The following ATP6V0D1 variants were observed in gnomAD, a reference collection of about 807,000 sequenced individuals.
The protein encoded by ATP6V0D1 is ATPase H+ transporting V0 subunit d1, also known as V-type proton ATPase subunit d 1.
In ATP6V0D1, 13 loss-of-function variants were observed where a neutral mutation model predicts 39.0. The ratio of observed to expected loss-of-function variants is 0.33; its 90% confidence interval spans 0.22 to 0.53. The LOEUF (loss-of-function observed/expected upper bound fraction) is 0.53, where lower values mean the gene tolerates loss of function less well. ATP6V0D1 is among the 20% of genes least tolerant of loss of function. The pLI is 0.94. For missense variants in ATP6V0D1, 272 were observed against 470.9 expected (o/e 0.58, Z 3.91); for synonymous variants, 191 against 191.2 (o/e 1.00, Z 0.01).
chr16:67,463,798 C>T (rs1260920610), intron 1 of ATP6V0D1, among the ~76,000 whole-genome samples: 1 of 152,106 alleles, frequency 6.6e-6, no homozygotes. Context: ...AGCGGCCCTG[C>T]TCAAGGGCCT....
At chr16:67,454,873 C>G (rs2041221811) in intron 1 of ATP6V0D1, 1 of 152,392 alleles carries the variant, frequency 6.6e-6, no homozygotes, top group Non-Finnish European at 1.5e-5. Context: ...CATGTCCCCA[C>G]CTCAGGGCCC....
intron 1 of ATP6V0D1, among the ~76,000 whole-genome samples, chr16:67,476,176 C>T (rs879585078): frequency 4.0e-5 from 6 of 151,050 alleles, no homozygotes; most frequent in Admixed American, 1.3e-4. Flanking sequence ...GAGCTGAGAA[C>T]GTGCCACTGC....
In ATP6V0D1 at chr16:67,447,438, C is replaced by T. The variant is rs551203200; in HGVS notation, c.303-2732G>A. The stretch of plus-strand genomic sequence containing the variant: ...AGGCAGGGAAATCCTCCTCTTCCTC[C>T]TTGCCTGGCTTCAGCAGCTGCCTCC... On this transcript the variant is annotated intron_variant, in intron 2 of 7. Transcript: ENST00000290949. The surrounding 1 kb of genome is among the most constrained non-coding windows in gnomAD (Gnocchi z 4.1). Among the ~76,000 whole-genome samples, 1 of 152,356 alleles carries T rather than the reference C, an allele frequency of 6.6e-6. No homozygotes were observed. The highest frequency in any genetic ancestry group is 1.9e-4 in the East Asian group (1 of 5,188).
intron 3 of ATP6V0D1, 147 bp from the exon 4 acceptor site, chr16:67,443,325 GA>G: frequency 1.5e-6 from 1 of 668,220 alleles, no homozygotes; most frequent in Admixed American, 2.7e-5. Context: ...TGTTGCCTTG[GA>G]AGTGGCAGAA....
rs574311219 is a variant in ATP6V0D1 at position 67,446,634 on chromosome 16, T to C, written c.303-1928A>G. ...TACCCCGGACAGCACACACGCCTCC[T>C]GCCTATGAGGCCTCCAACATCTCAC... On this transcript the variant is annotated intron_variant, in intron 2 of 7. Transcript: ENST00000290949. Among the ~76,000 whole-genome samples the C allele has an allele frequency of 1.5e-3, 227 of 152,258 alleles. 2 individuals are homozygous for C. Among genetic ancestry groups the C allele is most frequent in the Middle Eastern group, 0.01 (3 of 294 alleles).
rs2041093643 is a variant in ATP6V0D1, at chr16:67,444,646, G to A, written c.363C>T (p.Ser121=). ...LLITGTLHQR[S]IAELVPKCHP... is the part of the protein sequence containing the mutation. ...GGCACTTGGGCACGAGCTCAGCGAT[G>A]GAGCGCTGGTGCAGCGTGCCTGTGA... The change falls in exon 3 of 8, where the codon TCC becomes TCT. Residue 121 remains serine (S), a synonymous_variant. Transcript: ENST00000290949. The surrounding 1 kb of genome is among the most constrained non-coding windows in gnomAD (Gnocchi z 4.8). The A allele has an allele frequency of 1.9e-6, 3 of 1,612,876 alleles. No individual in the cohort carries two copies. Among genetic ancestry groups the A allele is most frequent in the Middle Eastern group, 1.7e-4 (1 of 6,058 alleles).
In ATP6V0D1 at chr16:67,453,927, C is replaced by T. The variant is rs1341236515; in HGVS notation, c.131-212G>A. Reference sequence around the variant, plus strand: ...ACCAGATCTTTGGGCCACAATCCAGCACATGGAGCCCCAAAGTTCGAGCAT... The same window carrying T: ...ACCAGATCTTTGGGCCACAATCCAGTACATGGAGCCCCAAAGTTCGAGCAT... On this transcript the variant is annotated intron_variant, in intron 1 of 7. Coordinates refer to ENST00000290949, the MANE Select transcript of ATP6V0D1 (RefSeq NM_004691.5). This position sits in a 1 kb window ranked among gnomAD's most constrained non-coding sequence, Gnocchi z 4.1. Among the ~76,000 whole-genome samples the T allele has an allele frequency of 6.6e-6, 1 of 152,202 alleles. No homozygotes were observed. The highest frequency in any genetic ancestry group is 2.4e-5 in the African/African-American group (1 of 41,448).
chr16:67,457,321 G>A (rs2041247544), intron 1 of ATP6V0D1: 1 of 300,620 alleles, frequency 3.3e-6, no homozygotes, highest in African/African-American at 2.2e-5. Flanking sequence ...GCTGGGATGT[G>A]GAGCAGGCCT....
At chr16:67,475,265 C>T (rs193260910) in intron 1 of ATP6V0D1, among the ~76,000 whole-genome samples, 11 of 152,360 alleles carry the variant, frequency 7.2e-5, no homozygotes, top group Admixed American at 7.2e-4. Context: ...CGACCTGCCA[C>T]ACCATCAACA....
chr16:67,446,590 C>T (rs2041118432), intron 2 of ATP6V0D1, among the ~76,000 whole-genome samples: 1 of 152,178 alleles, frequency 6.6e-6, no homozygotes, highest in South Asian at 2.1e-4. Flanking sequence ...TGGTCTGCAG[C>T]TCCAGCCTGC....
At chr16:67,479,151 G>T (rs2041441592) in intron 1 of ATP6V0D1, among the ~76,000 whole-genome samples, 1 of 151,764 alleles carries the variant, frequency 6.6e-6, no homozygotes, top group Non-Finnish European at 1.5e-5. Flanking sequence ...CATAAGTAAG[G>T]TAAACAACTT....
chr16:67,445,226 C>G (rs1259211618), intron 2 of ATP6V0D1, among the ~76,000 whole-genome samples: 1 of 152,144 alleles, frequency 6.6e-6, no homozygotes, highest in Non-Finnish European at 1.5e-5. Flanking sequence ...AAAGGCGCAG[C>G]AGCCGGCAGC....
intron 4 of ATP6V0D1, 51 bp downstream of exon 4, chr16:67,443,048 C>T: frequency 1.3e-6 from 2 of 1,591,578 alleles, no homozygotes; most frequent in Non-Finnish European, 1.7e-6. Context: ...CCACTTCCCA[C>T]AGCCCCACCC....
At chr16:67,467,892 G>A (rs898410691) in intron 1 of ATP6V0D1, among the ~76,000 whole-genome samples, 11 of 152,304 alleles carry the variant, frequency 7.2e-5, no homozygotes, top group South Asian at 6.2e-4. Flanking sequence ...GGTTGGGAAG[G>A]GGACCCTGGT....
chr16:67,468,086 A>G (rs896199378), intron 1 of ATP6V0D1, among the ~76,000 whole-genome samples: 1 of 152,202 alleles, frequency 6.6e-6, no homozygotes, highest in Non-Finnish European at 1.5e-5. Flanking sequence ...GCCACTTAAG[A>G]AAGCAGGGAG....
chr16:67,473,252 G>A (rs1442597238), intron 1 of ATP6V0D1, among the ~76,000 whole-genome samples: 1 of 152,128 alleles, frequency 6.6e-6, no homozygotes, highest in Non-Finnish European at 1.5e-5. Context: ...GCTTTACTGA[G>A]ATATAATTCA....
At position 67,438,450 on chromosome 16, in the gene ATP6V0D1, TACACACACACGC is replaced by T. The variant is rs2046218613; in HGVS notation, c.*66_*77del. 5.3e-6 allele frequency: 8 copies of T among 1,514,852 alleles called. No individual in the cohort carries two copies. The South Asian group carries it at 1.0e-4, about 19-fold the overall frequency. The allele number at this position is 1,514,852 out of a possible 1,614,324, so 93.8% of individuals were successfully genotyped here. A position where few individuals can be genotyped will look rare whatever the true frequency, so the allele number is the denominator to read the frequency against. ...AGCCACAGGCTTGTCACAGACCACA[TACACACACACGC>T]ACACACACGCGCACACACACACACA... On this transcript the variant is annotated 3_prime_UTR_variant, in exon 8 of 8. Transcript: ENST00000290949.
At chr16:67,462,855 C>A (rs1392474837) in intron 1 of ATP6V0D1, among the ~76,000 whole-genome samples, 6 of 151,762 alleles carry the variant, frequency 4.0e-5, no homozygotes, top group Non-Finnish European at 1.5e-5. Flanking sequence ...CTGGCCCATG[C>A]CCATGTCTAG....
Position 67,438,840 on chromosome 16 carries a change from T to C in ATP6V0D1, c.847A>G (p.Ser283Gly). 1 of 1,606,864 alleles carries C rather than the reference T, an allele frequency of 6.2e-7. No individual in the cohort carries two copies. Among genetic ancestry groups the C allele is most frequent in the East Asian group, 2.3e-5 (1 of 44,350 alleles). ...TCCAGCGTCTTGTCTCCAGGGTTGC[T>C]ACCTGCACCCTCGAAGAGCAGCTTG... Reference protein sequence around the residue: ...EYKLLFEGAGSNPGDKTLEDR... With the variant: ...EYKLLFEGAGGNPGDKTLEDR... Residue 283 changes from serine (S) to glycine (G), a missense_variant, in exon 7 of 8, where the codon AGC (serine) becomes GGC (glycine). Physicochemically the swap from Ser to Gly is moderately conservative, Grantham distance 56 (BLOSUM62 0). Transcript: ENST00000290949.
Sources: gnomAD v4.1 joint callset for allele counts (sites outside exome capture counted in the v4.1 genomes callset) on GRCh38, gnomAD v4.1.1 for gene constraint, Gnocchi (gnomAD v3.1) non-coding constraint, MANE v1.5 for transcripts, NCBI Gene and HGNC (gene_info 2026-07-23, HGNC 2026-07-21) for gene names.